The following RTEL1 variants were observed in gnomAD, a reference collection of about 807,000 sequenced individuals.
RTEL1 encodes the protein regulator of telomere length.
A neutral mutation model predicts 162.2 loss-of-function variants in RTEL1; 86 were observed. The observed-to-expected ratio is 0.53, with a 90% CI of 0.45 to 0.63. The LOEUF (loss-of-function observed/expected upper bound fraction) is 0.63, where lower values mean the gene tolerates loss of function less well. RTEL1 is among the 30% of genes least tolerant of loss of function. The probability of loss-of-function intolerance (pLI) is 0.00; values close to 1 mark genes in which losing one functional copy is unlikely to be tolerated. For synonymous variants in RTEL1, 958 were observed against 717.9 expected, an observed-to-expected ratio of 1.33 and a Z score of -5.35; for missense variants, 1,941 against 1,750.2, an observed-to-expected ratio of 1.11 and a Z score of -1.95.
At chr20:63,694,171 G>C in intron 30 of RTEL1, 1 of 590,472 alleles carries the variant, frequency 1.7e-6, no homozygotes, top group Non-Finnish European at 3.1e-6. Context: ...GCTTTGGCCT[G>C]CCCGCCACTG....
In RTEL1 at chr20:63,695,352, G is replaced by T. The variant is rs758732623; in HGVS notation, c.3524G>T (p.Gly1175Val). ...GGCCCCTCACGGTCCGAGAAGACCGGGAAGACCCAGAGCAAGATCTCGTCC... is the reference window on the plus strand; with the variant it reads ...GGCCCCTCACGGTCCGAGAAGACCGTGAAGACCCAGAGCAAGATCTCGTCC... ...QPGPSRSEKTGKTQSKISSFL... is the reference protein window; with the variant it reads ...QPGPSRSEKTVKTQSKISSFL... The change falls in exon 34 of 35, where the codon GGG (glycine) becomes GTG (valine). Residue 1175 changes from glycine to valine, a missense_variant. Gly to Val is a moderately radical substitution (Grantham distance 109). Transcript: ENST00000360203. The T allele has an allele frequency of 3.9e-6, 6 of 1,550,782 alleles. No homozygotes were observed. In the South Asian group the frequency reaches 7.4e-5, roughly 19 times the overall value.
At chr20:63,676,952 C>T (rs1020742482) in intron 10 of RTEL1, among the ~76,000 whole-genome samples, 6 of 152,182 alleles carry the variant, frequency 3.9e-5, no homozygotes, top group African/African-American at 1.4e-4. Flanking sequence ...ATCAGTCAAT[C>T]AAGTGTCATC....
chr20:63,687,374 C>T, intron 16 of RTEL1: 1 of 454,880 alleles, frequency 2.2e-6, no homozygotes. Flanking sequence ...GTGGGCTGAC[C>T]TCTCTGCAGG....
chr20:63,666,834 CTTT>C (rs146252896), intron 7 of RTEL1, among the ~76,000 whole-genome samples: 154 of 102,164 alleles, frequency 1.5e-3, no homozygotes, highest in African/African-American at 5.7e-3. Flanking sequence ...CTGGCCAGCT[CTTT>C]TTTTTTTTTT....
In RTEL1 at chr20:63,688,317, G is replaced by A. The variant is rs1472162994; in HGVS notation, c.1653G>A (p.Val551=). ...CACTTCCAGGCAACATCGCCCGCGT[G>A]GTGCCCTATGGGCTCCTGATCTTCT... ...LGKALGNIAR[V]VPYGLLIFFP... is the part of the protein sequence containing the mutation. Residue 551 remains valine, a synonymous_variant, in exon 20 of 35, where the codon GTG becomes GTA. Coordinates refer to ENST00000360203, the MANE Select transcript of RTEL1 (RefSeq NM_001283009.2). The A allele has an allele frequency of 1.2e-6, 2 of 1,612,330 alleles. No individual in the cohort carries two copies. Among genetic ancestry groups the A allele is most frequent in the Non-Finnish European group, 1.7e-6 (2 of 1,179,956 alleles).
intron 14 of RTEL1, among the ~76,000 whole-genome samples, chr20:63,684,960 C>T (rs1049692277): frequency 6.4e-4 from 97 of 151,888 alleles, no homozygotes; most frequent in African/African-American, 2.2e-3. Context: ...TCACTGCAGC[C>T]TCAACCTCCT....
Position 63,662,588 on chromosome 20 carries a change from C to G in RTEL1, c.438C>G (p.Ile146Met), listed in dbSNP as rs964215950. 2 of 1,614,104 alleles carry G rather than the reference C, an allele frequency of 1.2e-6. No individual in the cohort carries two copies. The change falls in exon 5 of 35, where the codon ATC becomes ATG. Residue 146 changes from isoleucine (I) to methionine (M), a missense_variant. Physicochemically the swap from Ile to Met is conservative, Grantham distance 10. Transcript: ENST00000360203. ...CVLGSREQLC[I>M]HPEVKKQESN... is the part of the protein sequence containing the mutation. ...TGGGCTCCCGGGAGCAGCTGTGCAT[C>G]CATCCTGAGGTGAAGAAACAAGAGA...
At chr20:63,688,996 TG>T in intron 21 of RTEL1, 58 bp from the exon 22 acceptor site, 1 of 1,440,952 alleles carries the variant, frequency 6.9e-7, no homozygotes. Flanking sequence ...GTCTCCCTCA[TG>T]GGGGAGGAAG....
At chr20:63,658,507 C>G (rs1000434713) in intron 1 of RTEL1, 41 bp downstream of exon 1, 4 of 152,334 alleles carry the variant, frequency 2.6e-5, no homozygotes, top group African/African-American at 7.2e-5. Flanking sequence ...TTTACCCGAG[C>G]GGCTCGTAGG....
Position 63,679,127 on chromosome 20 carries a change from T to C in RTEL1, c.1038-722T>C, listed in dbSNP as rs528355720. ...CTGAACGCTCCGTGGGGCTCCAGTC[T>C]TCTCCGCAGCCAGGGCAGCAGGGTT... is the stretch of plus-strand genomic sequence containing the variant. On this transcript the variant is annotated intron_variant, in intron 12 of 34. Transcript: ENST00000360203. Among the ~76,000 whole-genome samples, 346 of 152,314 alleles carry C rather than the reference T, an allele frequency of 2.3e-3. 2 individuals carry two copies. Among genetic ancestry groups the C allele is most frequent in the African/African-American group, 7.6e-3 (317 of 41,564 alleles).
At chr20:63,664,304 C>A (rs538928969) in intron 6 of RTEL1, among the ~76,000 whole-genome samples, 2 of 152,346 alleles carry the variant, frequency 1.3e-5, no homozygotes, top group East Asian at 3.9e-4. Flanking sequence ...CTGGGTGTCC[C>A]CAGTCCCATG....
At position 63,694,040 on chromosome 20, in the gene RTEL1, C is replaced by T. The variant is rs575689590; in HGVS notation, c.2993-332C>T. The stretch of plus-strand genomic sequence containing the variant: ...TAATGAACAGCCCCTACAGAGTTCC[C>T]CTAGTTCACCCAGGGGGGAACCTAG... On this transcript the variant is annotated intron_variant, in intron 30 of 34. Transcript: ENST00000360203. Among the ~76,000 whole-genome samples the T allele has an allele frequency of 1.8e-3, 277 of 152,124 alleles. 2 individuals carry two copies. Among genetic ancestry groups the T allele is most frequent in the Non-Finnish European group, 3.2e-3 (217 of 67,972 alleles).
intron 7 of RTEL1, among the ~76,000 whole-genome samples, chr20:63,666,532 A>T (rs1220554241): frequency 6.6e-6 from 1 of 152,146 alleles, no homozygotes; most frequent in Non-Finnish European, 1.5e-5. Context: ...TTGAGGGGGA[A>T]ACCTCCCTCC....
Position 63,689,570 on chromosome 20 carries a change from C to A in RTEL1, c.1947C>A (p.Pro649=). The A allele has an allele frequency of 6.2e-7, 1 of 1,612,218 alleles. No individual in the cohort carries two copies. The highest frequency in any genetic ancestry group is 8.5e-7 in the Non-Finnish European group (1 of 1,179,730). The change falls in exon 23 of 35, where the codon CCC becomes CCA. Residue 649 remains proline, a synonymous_variant. Transcript: ENST00000360203. Reference sequence around the variant, plus strand: ...TGATTGTCACGGGCCTCCCGTACCCCCCACGCATGGACCCCCGGGTTGTCC... The same window carrying A: ...TGATTGTCACGGGCCTCCCGTACCCACCACGCATGGACCCCCGGGTTGTCC... ...RGVIVTGLPY[P]PRMDPRVVLK... is the part of the protein sequence containing the mutation.
Position 63,694,418 on chromosome 20 carries a change from C to T in RTEL1, c.3039C>T (p.Ala1013=). The T allele has an allele frequency of 6.2e-7, 1 of 1,612,432 alleles. No individual in the cohort carries two copies. The highest frequency in any genetic ancestry group is 1.1e-5 in the South Asian group (1 of 91,076). Residue 1013 remains alanine, a synonymous_variant, in exon 31 of 35, where the codon GCC becomes GCT. Transcript: ENST00000360203. ...AGCTGACCGTGTCCACGGCTGCAGC[C>T]CAGCAGCTGGACCCCCAAGAGCACC... The part of the protein sequence containing the change: ...DPKLTVSTAA[A]QQLDPQEHLN...
At position 63,662,588 on chromosome 20, in the gene RTEL1, C is replaced by T. The variant is rs964215950; in HGVS notation, c.438C>T (p.Ile146=). ...TGGGCTCCCGGGAGCAGCTGTGCAT[C>T]CATCCTGAGGTGAAGAAACAAGAGA... ...CVLGSREQLC[I]HPEVKKQESN... Residue 146 remains isoleucine, a synonymous_variant, in exon 5 of 35, where the codon ATC becomes ATT. Coordinates refer to ENST00000360203, the MANE Select transcript of RTEL1 (RefSeq NM_001283009.2). 1 of 1,614,104 alleles carries T rather than the reference C, an allele frequency of 6.2e-7. No homozygotes were observed.
At chr20:63,691,214 C>T (rs2090733542) in intron 27 of RTEL1, among the ~76,000 whole-genome samples, 1 of 152,160 alleles carries the variant, frequency 6.6e-6, no homozygotes, top group African/African-American at 2.4e-5. Flanking sequence ...TCTGGCGGGT[C>T]AGCTTGGCTC....
chr20:63,663,529 T>C (rs1432209706), intron 6 of RTEL1, among the ~76,000 whole-genome samples: 6 of 152,202 alleles, frequency 3.9e-5, no homozygotes, highest in Admixed American at 3.9e-4. Context: ...CCGGGGGTGC[T>C]TCTCCACCCA....
At chr20:63,673,181 CAA>C (rs1416258290) in intron 9 of RTEL1, among the ~76,000 whole-genome samples, 2 of 151,902 alleles carry the variant, frequency 1.3e-5, no homozygotes, top group Non-Finnish European at 2.9e-5. Flanking sequence ...ATCACGAGGT[CAA>C]GAGATCAAGA....
Sources: gnomAD v4.1 joint callset for allele counts (sites outside exome capture counted in the v4.1 genomes callset) on GRCh38, gnomAD v4.1.1 for gene constraint, MANE v1.5 for transcripts, NCBI Gene and HGNC (gene_info 2026-07-23, HGNC 2026-07-21) for gene names.